The following DRC9 variants were observed in gnomAD, a reference collection of about 807,000 sequenced individuals.
DRC9 encodes the protein dynein regulatory complex subunit 9.
chr3:197,927,237 C>CT, the DRC9 span, among the ~76,000 whole-genome samples: 1 of 152,058 alleles, frequency 6.6e-6, no homozygotes, highest in Non-Finnish European at 1.5e-5. Flanking sequence ...ATTTATTTTT[C>CT]TTTTTTTGAG....
the DRC9 span, chr3:197,956,624 G>GTTTTTTTTTTTTTTTTTTT: frequency 3.0e-5 from 4 of 135,190 alleles, no homozygotes; most frequent in African/African-American, 8.3e-5. Flanking sequence ...TTGCTGTATG[G>GTTTTTTTTTTTTTTTTTTT]TTTTTTTTTT....
At chr3:197,916,149 A>G in the DRC9 span, 1 of 150,468 alleles carries the variant, frequency 6.6e-6, no homozygotes, top group African/African-American at 2.5e-5. Flanking sequence ...ACTTTTTAAT[A>G]TTTTTAGAGA....
At chr3:197,903,051 C>A in the DRC9 span, among the ~76,000 whole-genome samples, 17 of 152,254 alleles carry the variant, frequency 1.1e-4, no homozygotes, top group African/African-American at 4.1e-4. Flanking sequence ...TCATTTTTGA[C>A]AAAGGTACCA....
chr3:197,943,979 T>C, the DRC9 span: 3 of 1,614,026 alleles, frequency 1.9e-6, no homozygotes, highest in African/African-American at 4.0e-5. Flanking sequence ...TACTAGGTGG[T>C]TCGCCTGTCA....
chr3:197,937,713 C>T, the DRC9 span, among the ~76,000 whole-genome samples: 50 of 152,064 alleles, frequency 3.3e-4, no homozygotes, highest in East Asian at 8.8e-3. Context: ...CTCCTGACCT[C>T]GTGATCCACC....
At chr3:197,903,832 G>A in the DRC9 span, among the ~76,000 whole-genome samples, 481 of 151,492 alleles carry the variant, frequency 3.2e-3, 5 homozygotes, top group African/African-American at 0.011. Flanking sequence ...CAAAAGGGCC[G>A]AGTGTAGTCA....
the DRC9 span, among the ~76,000 whole-genome samples, chr3:197,912,186 G>A: frequency 2.6e-5 from 4 of 151,212 alleles, no homozygotes; most frequent in South Asian, 8.4e-4. Flanking sequence ...GATTACAGGC[G>A]CACCACCATG....
chr3:197,926,216 A>G, the DRC9 span: 4 of 657,830 alleles, frequency 6.1e-6, no homozygotes, highest in Admixed American at 2.3e-5. Context: ...TCCCCCAGAG[A>G]ATCTGACTCA....
At chr3:197,909,655 C>T in the DRC9 span, among the ~76,000 whole-genome samples, 3 of 152,216 alleles carry the variant, frequency 2.0e-5, no homozygotes, top group African/African-American at 4.8e-5. Flanking sequence ...AAGAAAACAA[C>T]AGGCTCTGGA....
chr3:197,938,124 T>G, the DRC9 span, among the ~76,000 whole-genome samples: 3 of 152,080 alleles, frequency 2.0e-5, no homozygotes, highest in African/African-American at 7.2e-5. Context: ...AAGACTAGCC[T>G]GGCCAACATG....
At chr3:197,920,915 T>C in the DRC9 span, among the ~76,000 whole-genome samples, 1 of 152,230 alleles carries the variant, frequency 6.6e-6, no homozygotes, top group East Asian at 1.9e-4. Flanking sequence ...AACACTTTCA[T>C]ATACAAAAAC....
chr3:197,943,475 A>C, the DRC9 span, among the ~76,000 whole-genome samples: 1 of 152,016 alleles, frequency 6.6e-6, no homozygotes, highest in Non-Finnish European at 1.5e-5. Context: ...ATCTCTATAG[A>C]ATTTTTATAA....
the DRC9 span, among the ~76,000 whole-genome samples, chr3:197,898,605 ACT>A: frequency 6.6e-6 from 1 of 152,220 alleles, no homozygotes; most frequent in Non-Finnish European, 1.5e-5. Context: ...GCTTTAACTG[ACT>A]CACAGTTCAG....
At chr3:197,954,180 A>G in the DRC9 span, 2 of 1,612,276 alleles carry the variant, frequency 1.2e-6, no homozygotes, top group Non-Finnish European at 1.7e-6. Flanking sequence ...TGGACGTCTG[A>G]TGAATCAGAC....
the DRC9 span, among the ~76,000 whole-genome samples, chr3:197,904,105 T>TTTTTTTTTTTTAAAGGGCC: frequency 2.3e-5 from 1 of 42,912 alleles, no homozygotes; most frequent in Non-Finnish European, 5.1e-5. Context: ...TATATATATA[T>TTTTTTTTTTTTAAAGGGCC]ATATATTTTT....
the DRC9 span, among the ~76,000 whole-genome samples, chr3:197,930,280 C>T: frequency 1.4e-4 from 21 of 151,886 alleles, no homozygotes; most frequent in Admixed American, 5.9e-4. Flanking sequence ...CCCAGGAAGT[C>T]GAGGCTGCCA....
At chr3:197,910,982 C>CAAAA in the DRC9 span, among the ~76,000 whole-genome samples, 42 of 61,428 alleles carry the variant, frequency 6.8e-4, no homozygotes, top group South Asian at 1.1e-3. Flanking sequence ...AAAAACAAAA[C>CAAAA]AAAAAAAAAA....
chr3:197,957,257 G>T, the DRC9 span: 1 of 152,180 alleles, frequency 6.6e-6, no homozygotes, highest in Non-Finnish European at 1.5e-5. Context: ...AACCTACAAA[G>T]AGGGTAGTGA....
At chr3:197,892,169 C>T in the DRC9 span, among the ~76,000 whole-genome samples, 1 of 152,308 alleles carries the variant, frequency 6.6e-6, no homozygotes, top group Admixed American at 6.5e-5. Flanking sequence ...GGATTATAGG[C>T]GTTAGCCACC....
Sources: allele counts gnomAD v4.1 joint callset (sites outside exome capture counted in the v4.1 genomes callset), GRCh38; gene constraint gnomAD v4.1.1; transcripts MANE v1.5; gene names NCBI Gene and HGNC (gene_info 2026-07-23, HGNC 2026-07-21).